Variants in FSD1L observed in about 807,000 individuals in gnomAD.
FSD1L encodes the protein FSD1-like protein.
FSD1L carries 45 observed loss-of-function variants against 71.6 expected under a neutral mutation model. The observed-to-expected ratio is 0.63, with a 90% confidence interval of 0.49 to 0.81. FSD1L has a LOEUF of 0.81. Among genes scored for constraint, FSD1L ranks in the 30% least tolerant of loss-of-function variants. The pLI, the probability that FSD1L is intolerant of heterozygous loss-of-function variation, is 0.00. For synonymous variants in FSD1L, 197 were observed against 207.2 expected, an observed-to-expected ratio of 0.95 and a Z score of 0.42; for missense variants, 561 against 618.1, an observed-to-expected ratio of 0.91 and a Z score of 0.98.
chr9:105,443,282 G>A (rs1554693598), upstream of FSD1L, among the ~76,000 whole-genome samples: 5 of 152,230 alleles, frequency 3.3e-5, no homozygotes, highest in Non-Finnish European at 1.5e-5. Flanking sequence ...CACAATCATG[G>A]CCGAAGGCGA....
chr9:105,526,464 C>T, intron 10 of FSD1L: 10 of 1,612,658 alleles, frequency 6.2e-6, no homozygotes, highest in Non-Finnish European at 4.2e-6. Flanking sequence ...CCAATGTCTC[C>T]TCGAACTAGC....
intron 6 of FSD1L, among the ~76,000 whole-genome samples, chr9:105,481,139 C>CTGTGTGTGTGTG (rs1564098251): frequency 1.3e-5 from 1 of 75,462 alleles, no homozygotes; most frequent in African/African-American, 6.3e-5. Context: ...TTCAGGCAAA[C>CTGTGTGTGTGTG]TCTGTGTGTG....
At chr9:105,445,708 T>C (rs1470652168), upstream of FSD1L, among the ~76,000 whole-genome samples, 2 of 152,138 alleles carry the variant, frequency 1.3e-5, no homozygotes, top group East Asian at 3.9e-4. Flanking sequence ...TTCTCCCTCA[T>C]GGGAAACTGA....
chr9:105,523,009 A>G (rs1835279127), intron 10 of FSD1L: 3 of 1,614,000 alleles, frequency 1.9e-6, no homozygotes, highest in Admixed American at 1.7e-5. Context: ...GCTTTCCAAT[A>G]TGATGGCCAA....
intron 9 of FSD1L, among the ~76,000 whole-genome samples, chr9:105,509,300 A>C (rs1480510427): frequency 6.6e-6 from 1 of 152,200 alleles, no homozygotes; most frequent in Non-Finnish European, 1.5e-5. Context: ...AAAGGTGTGA[A>C]TAAGAATCCA....
rs544875476 is a variant in FSD1L at position 105,508,379 on chromosome 9, G to A, written c.797-238G>A. 4.6e-5 allele frequency among the ~76,000 whole-genome samples: 7 copies of A among 151,344 alleles called. No homozygotes were observed. In the South Asian group the frequency reaches 8.4e-4, roughly 18 times the overall value. On this transcript the variant is annotated intron_variant, in intron 8 of 13. Coordinates refer to ENST00000481272, the MANE Select transcript of FSD1L (RefSeq NM_001145313.3). ...TTTTTAGTAGAGACCGGGTTTCACC[G>A]TGTTAGTCAGGGTGGTCTGTATCTC...
intron 6 of FSD1L, among the ~76,000 whole-genome samples, chr9:105,483,210 G>A (rs1157957808): frequency 1.3e-5 from 2 of 151,674 alleles, no homozygotes; most frequent in East Asian, 3.9e-4. Context: ...CACATCAACT[G>A]TTGTTTACTC....
chr9:105,482,281 A>G (rs1358870622), intron 6 of FSD1L, among the ~76,000 whole-genome samples: 1 of 152,206 alleles, frequency 6.6e-6, no homozygotes, highest in Non-Finnish European at 1.5e-5. Flanking sequence ...CTATAACTTT[A>G]TAGAATTACT....
chr9:105,453,327 G>A (rs535129152), intron 1 of FSD1L, among the ~76,000 whole-genome samples: 6 of 151,906 alleles, frequency 3.9e-5, no homozygotes, highest in South Asian at 2.1e-4. Context: ...GATTATAGGC[G>A]CCCGCCACCA....
intron 10 of FSD1L, chr9:105,521,391 T>G (rs1835143337): frequency 6.2e-7 from 1 of 1,614,172 alleles, no homozygotes; most frequent in Non-Finnish European, 8.5e-7. Context: ...AGAACCTAGC[T>G]CATCTAGTCT....
At position 105,520,755 on chromosome 9, in the gene FSD1L, C is replaced by G. The variant is rs976515499; in HGVS notation, c.1025+7819C>G. On this transcript the variant is annotated intron_variant, in intron 10 of 13. Coordinates refer to ENST00000481272, the MANE Select transcript of FSD1L (RefSeq NM_001145313.3). ...AGCACCACAGTCTGAACATGGACCT[C>G]GAACTTTAGATAATCTCATTAATCC... The G allele has an allele frequency of 4.3e-6, 7 of 1,612,896 alleles. 1 individual carries two copies. The South Asian group carries it at 7.7e-5, about 18-fold the overall frequency.
At chr9:105,492,724 A>T (rs545074118) in intron 7 of FSD1L, among the ~76,000 whole-genome samples, 1 of 152,266 alleles carries the variant, frequency 6.6e-6, no homozygotes, top group Non-Finnish European at 1.5e-5. Flanking sequence ...GGTTTCAAAG[A>T]ACATCTTTAT....
intron 7 of FSD1L, among the ~76,000 whole-genome samples, chr9:105,486,965 G>T (rs1186657747): frequency 6.6e-6 from 1 of 152,004 alleles, no homozygotes; most frequent in African/African-American, 2.4e-5. Flanking sequence ...CATGTAATTG[G>T]TAATTTTTGG....
intron 11 of FSD1L, 131 bp from the exon 12 acceptor site, chr9:105,534,936 A>AG: frequency 3.7e-6 from 3 of 812,272 alleles, no homozygotes; most frequent in Non-Finnish European, 5.9e-6. Context: ...TCTGTGTGTT[A>AG]ACATGATTAT....
At chr9:105,485,129 A>G (rs1402604452) in intron 7 of FSD1L, among the ~76,000 whole-genome samples, 1 of 152,200 alleles carries the variant, frequency 6.6e-6, no homozygotes, top group East Asian at 1.9e-4. Context: ...AAAAGAGCCA[A>G]TTAAGAACCA....
chr9:105,520,216 A>G, intron 10 of FSD1L: 3 of 1,611,178 alleles, frequency 1.9e-6, no homozygotes, highest in Non-Finnish European at 2.5e-6. Context: ...CGCCTCAAGC[A>G]CCTGCGCATC....
At chr9:105,526,233 G>A (rs1244368243) in intron 10 of FSD1L, 4 of 1,599,708 alleles carry the variant, frequency 2.5e-6, no homozygotes, top group Non-Finnish European at 3.4e-6. Context: ...ACTTCTATGA[G>A]GAGAGAGCAC....
At chr9:105,454,673 A>G (rs1830256125) in intron 1 of FSD1L, among the ~76,000 whole-genome samples, 1 of 152,202 alleles carries the variant, frequency 6.6e-6, no homozygotes. Flanking sequence ...TTCAAAGGCC[A>G]CTGCACATGG....
At chr9:105,514,073 C>T (rs930640125) in intron 10 of FSD1L, among the ~76,000 whole-genome samples, 2 of 152,250 alleles carry the variant, frequency 1.3e-5, no homozygotes, top group East Asian at 3.9e-4. Flanking sequence ...AAAATAAAGG[C>T]CATTGCTAAA....
Sources: allele counts gnomAD v4.1 joint callset (sites outside exome capture counted in the v4.1 genomes callset), GRCh38; gene constraint gnomAD v4.1.1; transcripts MANE v1.5; gene names NCBI Gene and HGNC (gene_info 2026-07-23, HGNC 2026-07-21).